Variants in OR56B2 observed in about 807,000 individuals in gnomAD.
OR56B2 encodes the protein olfactory receptor family 56 subfamily B member 2.
the OR56B2 span, among the ~76,000 whole-genome samples, chr11:5,763,237 C>T: frequency 6.6e-6 from 1 of 152,112 alleles, no homozygotes; most frequent in Admixed American, 6.6e-5. Flanking sequence ...GAGATATCCG[C>T]TATACTCTTC....
the OR56B2 span, chr11:5,765,339 GC>G: frequency 1.4e-5 from 2 of 141,150 alleles, 1 homozygote; most frequent in Admixed American, 1.5e-4. Context: ...CATAGGCCTG[GC>G]TACCACCATC....
the OR56B2 span, among the ~76,000 whole-genome samples, chr11:5,763,222 TTGA>T: frequency 6.6e-6 from 1 of 152,204 alleles, no homozygotes; most frequent in African/African-American, 2.4e-5. Context: ...TCATCTTGTC[TTGA>T]TGAGATATCC....
the OR56B2 span, among the ~76,000 whole-genome samples, chr11:5,763,169 CCT>C: frequency 6.6e-6 from 1 of 151,748 alleles, no homozygotes; most frequent in Non-Finnish European, 1.5e-5. Context: ...ATATGAATTA[CCT>C]CTTTCATGTT....
chr11:5,767,000 T>G, the OR56B2 span: 5 of 140,272 alleles, frequency 3.6e-5, 1 homozygote, highest in South Asian at 1.2e-3. Context: ...TTGTTCTGTT[T>G]TGTGTTGTTA....
chr11:5,764,498 G>A, the OR56B2 span, among the ~76,000 whole-genome samples: 12 of 140,686 alleles, frequency 8.5e-5, 2 homozygotes, highest in Admixed American at 3.6e-4. Context: ...ATTTATACAC[G>A]TTATTAGAAT....
Sources: allele counts gnomAD v4.1 joint callset (sites outside exome capture counted in the v4.1 genomes callset), GRCh38; gene constraint gnomAD v4.1.1; transcripts MANE v1.5; gene names NCBI Gene and HGNC (gene_info 2026-07-23, HGNC 2026-07-21).